Variants in SUMF1 observed in about 807,000 individuals in gnomAD.
SUMF1 encodes sulfatase modifying factor 1.
Under a neutral mutation model 47.6 loss-of-function variants are expected in SUMF1, and 48 were observed. The ratio of observed to expected loss-of-function variants is 1.01; its 90% confidence interval spans 0.80 to 1.28. The LOEUF (loss-of-function observed/expected upper bound fraction) is 1.28. Ranked by LOEUF, SUMF1 falls within the 50% of genes most tolerant of loss-of-function variation. SUMF1 has a pLI of 0.00. For synonymous variants in SUMF1, 230 were observed against 192.1 expected (o/e 1.20, Z -1.63); for missense variants, 571 against 485.4 (o/e 1.18, Z -1.66).
chr3:4,076,888 C>T (rs1181311408), intron 8 of SUMF1, among the ~76,000 whole-genome samples: 4 of 152,008 alleles, frequency 2.6e-5, no homozygotes, highest in East Asian at 1.9e-4. Flanking sequence ...CCTGTAGTCC[C>T]AGCTACTCGG....
intron 8 of SUMF1, among the ~76,000 whole-genome samples, chr3:4,148,205 T>TGATTA (rs1694239449): frequency 6.6e-6 from 1 of 152,194 alleles, no homozygotes; most frequent in Non-Finnish European, 1.5e-5. Context: ...GAAGAAAAGC[T>TGATTA]GCTGTTGAGA....
chr3:4,462,616 T>C (rs2079842881), intron 1 of SUMF1, among the ~76,000 whole-genome samples: 1 of 152,244 alleles, frequency 6.6e-6, no homozygotes, highest in Non-Finnish European at 1.5e-5. Flanking sequence ...AACTTTTTTG[T>C]GTAACTTCTC....
intron 8 of SUMF1, among the ~76,000 whole-genome samples, chr3:4,095,406 T>C (rs1396203137): frequency 6.6e-6 from 1 of 152,082 alleles, no homozygotes; most frequent in Non-Finnish European, 1.5e-5. Flanking sequence ...AGTTTTCTTT[T>C]GAAAGCTCTG....
At chr3:4,114,213 C>CA (rs1413263651) in intron 8 of SUMF1, among the ~76,000 whole-genome samples, 2 of 152,086 alleles carry the variant, frequency 1.3e-5, no homozygotes, top group Non-Finnish European at 2.9e-5. Context: ...GAGAAAATTA[C>CA]AATGGGGAAG....
chr3:4,271,297 C>T (rs567196768), intron 8 of SUMF1, among the ~76,000 whole-genome samples: 67 of 152,148 alleles, frequency 4.4e-4, no homozygotes, highest in African/African-American at 1.4e-3. Context: ...ACTTGTTTCT[C>T]CTTGGTGTTC....
intron 9 of SUMF1, among the ~76,000 whole-genome samples, chr3:4,035,015 G>A (rs1694768127): frequency 6.6e-6 from 1 of 151,914 alleles, no homozygotes; most frequent in Non-Finnish European, 1.5e-5. Context: ...TGCTATGGTG[G>A]AAGAGAGGTC....
intron 8 of SUMF1, among the ~76,000 whole-genome samples, chr3:4,258,890 T>G (rs1478572952): frequency 7.4e-6 from 1 of 135,048 alleles, no homozygotes; most frequent in East Asian, 2.0e-4. Flanking sequence ...TAGACTGGAT[T>G]AAGAAAATGT....
At chr3:4,059,123 T>A (rs758286502) in intron 9 of SUMF1, among the ~76,000 whole-genome samples, 1 of 152,044 alleles carries the variant, frequency 6.6e-6, no homozygotes, top group Non-Finnish European at 1.5e-5. Flanking sequence ...TAGAATCCTA[T>A]AGAAAAATCC....
intron 9 of SUMF1, among the ~76,000 whole-genome samples, chr3:4,050,729 C>A (rs1312422804): frequency 1.5e-5 from 2 of 132,220 alleles, no homozygotes; most frequent in African/African-American, 3.1e-5. Flanking sequence ...GCCTGGGCAA[C>A]CAGAGTGAGA....
intron 8 of SUMF1, chr3:4,316,743 C>T: frequency 6.4e-7 from 1 of 1,550,746 alleles, no homozygotes; most frequent in Non-Finnish European, 8.7e-7. Flanking sequence ...AGAAGAAGCT[C>T]CAAAGCACTT....
chr3:4,124,962 T>C (rs527769748), intron 8 of SUMF1, among the ~76,000 whole-genome samples: 2 of 152,272 alleles, frequency 1.3e-5, no homozygotes, highest in South Asian at 4.1e-4. Flanking sequence ...CAGCCCCTAT[T>C]CATCTGATAG....
chr3:4,194,963 C>T (rs1238620995), intron 8 of SUMF1, among the ~76,000 whole-genome samples: 2 of 151,974 alleles, frequency 1.3e-5, no homozygotes, highest in African/African-American at 4.8e-5. Flanking sequence ...GGCTGTCTGC[C>T]AAAACTGATG....
intron 8 of SUMF1, among the ~76,000 whole-genome samples, chr3:4,188,003 G>C (rs1695238670): frequency 6.6e-6 from 1 of 151,736 alleles, no homozygotes; most frequent in African/African-American, 2.4e-5. Context: ...GAGCACTTTT[G>C]GGTTCACAGC....
intron 8 of SUMF1, among the ~76,000 whole-genome samples, chr3:4,294,987 G>A (rs923092570): frequency 1.3e-5 from 2 of 152,172 alleles, no homozygotes; most frequent in Admixed American, 6.5e-5. Flanking sequence ...CTGAGATAAT[G>A]AAAAAGAAAA....
intron 7 of SUMF1, among the ~76,000 whole-genome samples, chr3:4,387,436 T>C (rs1436526489): frequency 6.6e-6 from 1 of 152,024 alleles, no homozygotes; most frequent in Non-Finnish European, 1.5e-5. Context: ...GAGTTTGCAC[T>C]GATATCTTGT....
At chr3:4,158,439 A>T (rs1028019032) in intron 8 of SUMF1, among the ~76,000 whole-genome samples, 23 of 151,564 alleles carry the variant, frequency 1.5e-4, no homozygotes, top group Middle Eastern at 3.2e-3. Context: ...ATTGGATAAA[A>T]TGTTATATAA....
chr3:4,242,126 G>C (rs548590032), intron 8 of SUMF1, among the ~76,000 whole-genome samples: 1 of 152,298 alleles, frequency 6.6e-6, no homozygotes, highest in Non-Finnish European at 1.5e-5. Flanking sequence ...CATTGACTTT[G>C]TATGCTAAGA....
intron 8 of SUMF1, among the ~76,000 whole-genome samples, chr3:4,216,668 C>T (rs1695931767): frequency 6.6e-6 from 1 of 151,940 alleles, no homozygotes. Context: ...AACAAATTTA[C>T]AAGAAAAAAA....
downstream of SUMF1, among the ~76,000 whole-genome samples, chr3:4,360,273 A>G (rs1286285576): frequency 1.5e-5 from 2 of 134,398 alleles, no homozygotes; most frequent in African/African-American, 6.0e-5. Context: ...AACATTTGAT[A>G]TCTACAAAAT....
Sources: gnomAD v4.1 joint callset for allele counts (sites outside exome capture counted in the v4.1 genomes callset) on GRCh38, gnomAD v4.1.1 for gene constraint, MANE v1.5 for transcripts, NCBI Gene and HGNC (gene_info 2026-07-23, HGNC 2026-07-21) for gene names.